KIF26B: variants seen among roughly 807,000 people sequenced by gnomAD.
KIF26B encodes the protein kinesin-like protein KIF26B.
Under a neutral mutation model 151.2 loss-of-function variants are expected in KIF26B, and 63 were observed. The observed-to-expected ratio is 0.42, with a 90% CI of 0.34 to 0.51. The LOEUF is 0.51. KIF26B is among the 20% of genes least tolerant of loss of function. The pLI, the probability that KIF26B is intolerant of heterozygous loss-of-function variation, is 0.07. For missense variants in KIF26B, 2,813 were observed against 2,913.6 expected (o/e 0.97, Z 0.79); for synonymous variants, 1,357 against 1,262.1 (o/e 1.08, Z -1.59).
rs971715907 is a variant in KIF26B, at chr1:245,485,812, G to T, written c.1167-54955G>T. Among the ~76,000 whole-genome samples the T allele has an allele frequency of 4.6e-5, 7 of 152,350 alleles. No homozygotes were observed. In the East Asian group the frequency reaches 1.3e-3, roughly 29 times the overall value. The stretch of plus-strand genomic sequence containing the variant: ...GCCTGCAGGGCAAGGCTTTCAGAGG[G>T]CACACGGTGCCCTTTCACACGAGTG... On this transcript the variant is annotated intron_variant, in intron 4 of 14. Coordinates refer to ENST00000407071, the MANE Select transcript of KIF26B (RefSeq NM_018012.4).
chr1:245,257,291 C>T (rs1401449412), intron 2 of KIF26B, among the ~76,000 whole-genome samples: 1 of 152,210 alleles, frequency 6.6e-6, no homozygotes, highest in Non-Finnish European at 1.5e-5. Flanking sequence ...ATGTATACAA[C>T]CAAGCTATAG....
intron 2 of KIF26B, among the ~76,000 whole-genome samples, chr1:245,250,255 TATATAGTAAAGTACA>T (rs1670418297): frequency 6.6e-6 from 1 of 152,210 alleles, no homozygotes; most frequent in African/African-American, 2.4e-5. Context: ...AGGCGTATTA[TATATAGTAAAGTACA>T]ATACCGTATA....
chr1:245,300,730 T>C (rs1451516957), intron 2 of KIF26B, among the ~76,000 whole-genome samples: 1 of 151,220 alleles, frequency 6.6e-6, no homozygotes, highest in African/African-American at 2.4e-5. Flanking sequence ...GGTTTCGCCA[T>C]ATTGACCAGG....
intron 3 of KIF26B, among the ~76,000 whole-genome samples, chr1:245,404,194 A>G (rs975199768): frequency 1.4e-5 from 2 of 145,346 alleles, no homozygotes; most frequent in African/African-American, 5.2e-5. Context: ...TTTTTGAGGA[A>G]TTGCAACAAG....
rs993077844 is a variant in KIF26B, at chr1:245,358,686, T to G, written c.466-8148T>G. On this transcript the variant is annotated intron_variant, in intron 2 of 14. Transcript: ENST00000407071. The surrounding 1 kb of genome is among the most constrained non-coding windows in gnomAD (Gnocchi z 4.1). ...CAACTACTTGCAGATTGAAAATAAT[T>G]CCATTTGCTGCCTGCTGGCACATTA... is the stretch of plus-strand genomic sequence containing the variant. Among the ~76,000 whole-genome samples, 1 of 152,182 alleles carries G rather than the reference T, an allele frequency of 6.6e-6. No individual in the cohort carries two copies. Among genetic ancestry groups the G allele is most frequent in the Admixed American group, 6.5e-5 (1 of 15,274 alleles).
At chr1:245,242,524 A>T (rs2941283) in intron 2 of KIF26B, among the ~76,000 whole-genome samples, 86,054 of 152,056 alleles carry the variant, frequency 0.57, 25,652 homozygotes, top group Non-Finnish European at 0.66. Flanking sequence ...TATGTAAATT[A>T]TATATTGTGC....
At chr1:245,406,175 G>A (rs901942942) in intron 3 of KIF26B, among the ~76,000 whole-genome samples, 16 of 150,498 alleles carry the variant, frequency 1.1e-4, no homozygotes, top group African/African-American at 3.5e-4. Flanking sequence ...AGTCTCACAC[G>A]TTCCCCACTC....
chr1:245,230,818 A>G (rs2103554677), intron 2 of KIF26B, among the ~76,000 whole-genome samples: 1 of 152,226 alleles, frequency 6.6e-6, no homozygotes, highest in Admixed American at 6.5e-5. Flanking sequence ...ACCATGAAGA[A>G]AATGAAAATT....
intron 4 of KIF26B, among the ~76,000 whole-genome samples, chr1:245,453,976 C>A (rs1038873765): frequency 2.6e-5 from 4 of 152,142 alleles, no homozygotes; most frequent in East Asian, 1.9e-4. Flanking sequence ...CACAAACCCA[C>A]CTAAGGACCT....
At chr1:245,415,719 GT>G (rs1674399900) in intron 3 of KIF26B, among the ~76,000 whole-genome samples, 1 of 151,530 alleles carries the variant, frequency 6.6e-6, no homozygotes, top group Non-Finnish European at 1.5e-5. Context: ...CTTGCAGACT[GT>G]CTTTGCACAA....
chr1:245,517,270 A>T (rs951468523), intron 4 of KIF26B, among the ~76,000 whole-genome samples: 3 of 151,862 alleles, frequency 2.0e-5, no homozygotes, highest in Non-Finnish European at 4.4e-5. Context: ...CAGGAGAATC[A>T]CTTGAACCCA....
At chr1:245,158,208 C>G (rs1312873925) in intron 2 of KIF26B, among the ~76,000 whole-genome samples, 2 of 152,130 alleles carry the variant, frequency 1.3e-5, no homozygotes, top group East Asian at 3.9e-4. Context: ...TCTTGAGGAC[C>G]TATTCTTATA....
intron 2 of KIF26B, among the ~76,000 whole-genome samples, chr1:245,178,154 A>G (rs1197040405): frequency 6.6e-6 from 1 of 152,196 alleles, no homozygotes; most frequent in East Asian, 1.9e-4. Flanking sequence ...GTTCATCAGA[A>G]TAATTCCTAC....
intron 2 of KIF26B, among the ~76,000 whole-genome samples, chr1:245,315,678 C>T (rs913842915): frequency 3.4e-5 from 5 of 148,592 alleles, no homozygotes; most frequent in Admixed American, 2.7e-4. Context: ...GCCAAGATTG[C>T]ACCACTGCAC....
intron 2 of KIF26B, among the ~76,000 whole-genome samples, chr1:245,327,145 G>A (rs1469393430): frequency 4.3e-4 from 66 of 152,138 alleles, no homozygotes; most frequent in South Asian, 6.2e-4. Flanking sequence ...TGTTGCTGGC[G>A]CCCCTCCTAT....
intron 4 of KIF26B, among the ~76,000 whole-genome samples, chr1:245,464,401 G>GTGCGTA (rs1659721571): frequency 1.3e-5 from 2 of 151,200 alleles, no homozygotes; most frequent in Non-Finnish European, 2.9e-5. Context: ...GTGTGGGTGT[G>GTGCGTA]TGCGTATGTG....
At chr1:245,672,336 C>T (rs78840027) in intron 10 of KIF26B, among the ~76,000 whole-genome samples, 2,944 of 152,236 alleles carry the variant, frequency 0.019, 110 homozygotes, top group African/African-American at 0.066. Flanking sequence ...TTAAGCTTCA[C>T]GCTGCTGACT....
At chr1:245,188,054 C>T (rs1203593692) in intron 2 of KIF26B, among the ~76,000 whole-genome samples, 2 of 151,846 alleles carry the variant, frequency 1.3e-5, no homozygotes, top group Non-Finnish European at 2.9e-5. Context: ...CCGAGGTGGG[C>T]GAATCACCTG....
chr1:245,230,240 T>C (rs761382025), intron 2 of KIF26B, among the ~76,000 whole-genome samples: 25 of 151,106 alleles, frequency 1.7e-4, no homozygotes, highest in Admixed American at 4.6e-4. Context: ...GAAATAAATG[T>C]CCCGAAGCAG....
Sources: gnomAD v4.1 joint callset for allele counts (sites outside exome capture counted in the v4.1 genomes callset) on GRCh38, gnomAD v4.1.1 for gene constraint, Gnocchi (gnomAD v3.1) non-coding constraint, MANE v1.5 for transcripts, NCBI Gene and HGNC (gene_info 2026-07-23, HGNC 2026-07-21) for gene names.